PLCB1: variants seen among roughly 807,000 people sequenced by gnomAD.
PLCB1 encodes phospholipase C beta 1, also known as 1-phosphatidylinositol 4,5-bisphosphate phosphodiesterase beta-1.
A neutral mutation model predicts 161.8 loss-of-function variants in PLCB1; 46 were observed. The observed-to-expected ratio is 0.28, with a 90% CI of 0.22 to 0.36. The LOEUF (loss-of-function observed/expected upper bound fraction) is 0.36. Among genes scored for constraint, PLCB1 ranks in the 10% least tolerant of loss-of-function variants. The pLI is 1.00. For missense variants in PLCB1, 1,016 were observed against 1,472.5 expected, an observed-to-expected ratio of 0.69 and a Z score of 5.07; for synonymous variants, 517 against 503.7, an observed-to-expected ratio of 1.03 and a Z score of -0.35.
intron 3 of PLCB1, among the ~76,000 whole-genome samples, chr20:8,418,464 A>G (rs1979394634): frequency 6.6e-6 from 1 of 152,174 alleles, no homozygotes; most frequent in East Asian, 1.9e-4. Context: ...TGAATATACA[A>G]TTATACATAA....
At chr20:8,685,272 C>T (rs913815927) in intron 10 of PLCB1, among the ~76,000 whole-genome samples, 194 bp downstream of exon 10, 2 of 151,782 alleles carry the variant, frequency 1.3e-5, no homozygotes, top group Non-Finnish European at 1.5e-5. Context: ...GAAGCAATAG[C>T]ATCATTTCTC....
At position 8,788,614 on chromosome 20, in the gene PLCB1, A is replaced by G; in HGVS notation, c.3189-19A>G. 6.3e-7 allele frequency: 1 copy of G among 1,595,874 alleles called. No individual in the cohort carries two copies. Among genetic ancestry groups the G allele is most frequent in the East Asian group, 2.2e-5 (1 of 44,736 alleles). ...CTGATTTGCCTCTTTTTTCTCTTTTACTTCCATTGTGACTTCAGAGAAAAG... is the reference window on the plus strand; with the variant it reads ...CTGATTTGCCTCTTTTTTCTCTTTTGCTTCCATTGTGACTTCAGAGAAAAG... On this transcript the variant is annotated intron_variant, in intron 28 of 31. Transcript: ENST00000338037.
rs148183444 is a variant in PLCB1 at position 8,286,138 on chromosome 20, A to G, written c.178-85244A>G. Among the ~76,000 whole-genome samples the G allele has an allele frequency of 2.8e-3, 423 of 152,328 alleles. 2 individuals carry two copies. The highest frequency in any genetic ancestry group is 9.8e-3 in the African/African-American group (409 of 41,570). On this transcript the variant is annotated intron_variant, in intron 2 of 31. Coordinates refer to ENST00000338037, the MANE Select transcript of PLCB1 (RefSeq NM_015192.4). ...TCAGGAGTTCGAGACCAGCCTGGCC[A>G]GCATGGCTAAACCCCGTCTCTACAA...
At chr20:8,401,928 A>T (rs1032952450) in intron 3 of PLCB1, among the ~76,000 whole-genome samples, 1 of 152,150 alleles carries the variant, frequency 6.6e-6, no homozygotes, top group African/African-American at 2.4e-5. Flanking sequence ...TATCTATTTT[A>T]TGTTACTCTA....
At chr20:8,479,233 G>A (rs1425532401) in intron 3 of PLCB1, among the ~76,000 whole-genome samples, 2 of 152,038 alleles carry the variant, frequency 1.3e-5, no homozygotes, top group African/African-American at 4.8e-5. Flanking sequence ...TAGAATAGGT[G>A]CAAGCCATCA....
intron 1 of PLCB1, among the ~76,000 whole-genome samples, chr20:8,146,723 C>A (rs573247109): frequency 6.6e-6 from 1 of 151,994 alleles, no homozygotes; most frequent in Admixed American, 6.6e-5. Context: ...TTTTGCTTTG[C>A]CCCTTGATTG....
chr20:8,188,614 A>T (rs572668583), intron 2 of PLCB1, among the ~76,000 whole-genome samples: 8 of 152,162 alleles, frequency 5.3e-5, no homozygotes, highest in Non-Finnish European at 4.4e-5. Context: ...AAGAGTGGCC[A>T]TCAATTTATA....
At chr20:8,537,488 T>G (rs1349331372) in intron 3 of PLCB1, among the ~76,000 whole-genome samples, 1 of 152,098 alleles carries the variant, frequency 6.6e-6, no homozygotes, top group Non-Finnish European at 1.5e-5. Context: ...TCCCTGGTGC[T>G]GGCTGTGACC....
chr20:8,160,039 C>A (rs1387878354), intron 2 of PLCB1, among the ~76,000 whole-genome samples: 1 of 151,418 alleles, frequency 6.6e-6, no homozygotes, highest in Non-Finnish European at 1.5e-5. Context: ...ACCAGATACC[C>A]TAAATCATCT....
At chr20:8,396,760 C>T (rs1987779842) in intron 3 of PLCB1, among the ~76,000 whole-genome samples, 1 of 151,982 alleles carries the variant, frequency 6.6e-6, no homozygotes, top group African/African-American at 2.4e-5. Flanking sequence ...CTGTGTTCAT[C>T]TATATATTTG....
At chr20:8,690,613 GT>G (rs1344914399) in intron 10 of PLCB1, among the ~76,000 whole-genome samples, 1 of 152,132 alleles carries the variant, frequency 6.6e-6, no homozygotes, top group Non-Finnish European at 1.5e-5. Flanking sequence ...CCAGTCTTAG[GT>G]TTTATAATAG....
chr20:8,697,444 A>G (rs953486883), intron 10 of PLCB1, among the ~76,000 whole-genome samples, 182 bp from the exon 11 acceptor site: 7 of 152,204 alleles, frequency 4.6e-5, no homozygotes, highest in African/African-American at 1.7e-4. Flanking sequence ...AAGCACTACT[A>G]CAGATTCTAT....
At chr20:8,612,380 G>C (rs540914018) in intron 3 of PLCB1, among the ~76,000 whole-genome samples, 4 of 152,228 alleles carry the variant, frequency 2.6e-5, no homozygotes, top group South Asian at 2.1e-4. Flanking sequence ...AGTCAGCTTT[G>C]AAGAAGGCAG....
chr20:8,232,186 C>G (rs1436487850), intron 2 of PLCB1, among the ~76,000 whole-genome samples: 6 of 151,790 alleles, frequency 4.0e-5, no homozygotes. Context: ...CTACAGCACT[C>G]CAGCCTGTCC....
rs1206489907 is a variant in PLCB1, at chr20:8,523,490, C to CCATATATATATATATATATATA, written c.247-104804_247-104803insCATATATATATATATATATATA. The stretch of plus-strand genomic sequence containing the variant: ...GCTCTCTCTCTCTCTCTCTCTCTCT[C>CCATATATATATATATATATATA]TCTCTCTATATATATATATATATAT... On this transcript the variant is annotated intron_variant, in intron 3 of 31. Coordinates refer to ENST00000338037, the MANE Select transcript of PLCB1 (RefSeq NM_015192.4). 8.7e-3 allele frequency among the ~76,000 whole-genome samples: 587 copies of CCATATATATATATATATATATA among 67,332 alleles called. 82 individuals are homozygous for CCATATATATATATATATATATA. Among genetic ancestry groups the CCATATATATATATATATATATA allele is most frequent in the Non-Finnish European group, 0.013 (432 of 33,406 alleles). The allele number at this position is 67,332 out of a possible 152,430, so 44.2% of individuals were successfully genotyped here.
chr20:8,324,302 A>G (rs373714161), intron 2 of PLCB1, among the ~76,000 whole-genome samples: 1 of 152,062 alleles, frequency 6.6e-6, no homozygotes, highest in South Asian at 2.1e-4. Flanking sequence ...AAATCTAATG[A>G]AAGACATGTA....
chr20:8,740,573 A>C (rs1446668877), intron 22 of PLCB1, 125 bp downstream of exon 22: 1 of 519,274 alleles, frequency 1.9e-6, no homozygotes, highest in Non-Finnish European at 3.4e-6. Flanking sequence ...CTTCAGAATC[A>C]CCCCTACTTT....
In PLCB1 at chr20:8,229,896, A is replaced by C. The variant is rs549665036; in HGVS notation, c.177+79525A>C. 5.8e-4 allele frequency among the ~76,000 whole-genome samples: 87 copies of C among 149,862 alleles called. 1 individual carries two copies. The South Asian group carries it at 0.01, about 17-fold the overall frequency. On this transcript the variant is annotated intron_variant, in intron 2 of 31. Coordinates refer to ENST00000338037, the MANE Select transcript of PLCB1 (RefSeq NM_015192.4). ...AATAAAATAAAATAAAAATAAAATA[A>C]AAAAAATAATTTAGCCAGATATGGG...
intron 3 of PLCB1, among the ~76,000 whole-genome samples, chr20:8,475,032 C>G (rs1377420863): frequency 2.0e-5 from 3 of 146,790 alleles, no homozygotes; most frequent in East Asian, 4.0e-4. Context: ...CACACACACA[C>G]AGACACACAC....
Sources: allele counts gnomAD v4.1 joint callset (sites outside exome capture counted in the v4.1 genomes callset), GRCh38; gene constraint gnomAD v4.1.1; transcripts MANE v1.5; gene names NCBI Gene and HGNC (gene_info 2026-07-23, HGNC 2026-07-21).